The following N4BP1 variants were observed in gnomAD, a reference collection of about 807,000 sequenced individuals.
N4BP1 encodes the protein NEDD4 binding protein 1, also known as NEDD4-binding protein 1.
In N4BP1, 21 loss-of-function variants were observed where a neutral mutation model predicts 70.9. The ratio of observed to expected loss-of-function variants is 0.30; its 90% CI spans 0.21 to 0.43. The LOEUF is 0.43. N4BP1 is among the 20% of genes least tolerant of loss of function. N4BP1 has a pLI of 1.00. For missense variants in N4BP1, 936 were observed against 1,069.4 expected (o/e 0.88, Z 1.74); for synonymous variants, 387 against 394.6 (o/e 0.98, Z 0.23).
Position 48,582,592 on chromosome 16 carries a change from TTAGAG to T in N4BP1, c.199-20153_199-20149del, listed in dbSNP as rs540865320. ...CCACTTAATAAGAAACTAACTTTTA[TTAGAG>T]TATACTGTTATAATTTTTCTATTAT... On this transcript the variant is annotated intron_variant, in intron 1 of 6. Coordinates refer to ENST00000262384, the MANE Select transcript of N4BP1 (RefSeq NM_153029.4). Among the ~76,000 whole-genome samples, 539 of 152,362 alleles carry T rather than the reference TTAGAG, an allele frequency of 3.5e-3. 3 individuals carry two copies. Among genetic ancestry groups the T allele is most frequent in the African/African-American group, 0.013 (522 of 41,588 alleles).
At chr16:48,607,508 G>C (rs1374098724) in intron 1 of N4BP1, among the ~76,000 whole-genome samples, 1 of 152,200 alleles carries the variant, frequency 6.6e-6, no homozygotes, top group Non-Finnish European at 1.5e-5. Flanking sequence ...CAGGGCAGGA[G>C]AATGACTTTT....
chr16:48,608,518 A>C (rs998179928), intron 1 of N4BP1, among the ~76,000 whole-genome samples: 7 of 152,170 alleles, frequency 4.6e-5, no homozygotes, highest in Admixed American at 2.6e-4. Flanking sequence ...ATCATATGAG[A>C]GGCAAGTATC....
chr16:48,558,293 C>CAA lies in N4BP1; in HGVS notation c.1889+2459_1889+2460dup, dbSNP rs57285875. Reference sequence around the variant, plus strand: ...AATCCTCCCAAAACAATCAGTTTTCCAAAAAAAAAAAAAAAAGAAGAAATA... The same window carrying CAA: ...AATCCTCCCAAAACAATCAGTTTTCCAAAAAAAAAAAAAAAAAAGAAGAAATA... On this transcript the variant is annotated intron_variant, in intron 2 of 6. Transcript: ENST00000262384. Among the ~76,000 whole-genome samples, 802 of 98,228 alleles carry CAA rather than the reference C, an allele frequency of 8.2e-3. 9 individuals are homozygous for CAA. The highest frequency in any genetic ancestry group is 0.025 in the African/African-American group (738 of 29,758). The allele number at this position is 98,228 out of a possible 152,430, so 64.4% of individuals were successfully genotyped here.
chr16:48,580,267 C>A (rs1367062141), intron 1 of N4BP1, among the ~76,000 whole-genome samples: 1 of 151,954 alleles, frequency 6.6e-6, no homozygotes, highest in Non-Finnish European at 1.5e-5. Flanking sequence ...ACTGATACTG[C>A]AGATTTACAG....
chr16:48,562,484 G>T, intron 1 of N4BP1, 40 bp from the exon 2 acceptor site: 2 of 1,501,658 alleles, frequency 1.3e-6, no homozygotes, highest in African/African-American at 2.8e-5. Context: ...ATTTACAAAA[G>T]TTCCTTATAG....
At chr16:48,605,365 G>A (rs78001850) in intron 1 of N4BP1, among the ~76,000 whole-genome samples, 6,469 of 152,142 alleles carry the variant, frequency 0.043, 419 homozygotes, top group African/African-American at 0.15. Context: ...TCACCCCCAC[G>A]GCTGAGATCC....
intron 2 of N4BP1, among the ~76,000 whole-genome samples, chr16:48,558,036 G>A (rs527304643): frequency 6.6e-6 from 1 of 152,056 alleles, no homozygotes; most frequent in Non-Finnish European, 1.5e-5. Context: ...TACTACGTTC[G>A]CAATGCCGTG....
At chr16:48,589,395 C>T (rs560096056) in intron 1 of N4BP1, among the ~76,000 whole-genome samples, 1 of 152,198 alleles carries the variant, frequency 6.6e-6, no homozygotes, top group East Asian at 1.9e-4. Flanking sequence ...TTTAATCAAT[C>T]ACGCCTATGT....
rs1223501771 is a variant in N4BP1, at chr16:48,543,153, C to T, written c.2442G>A (p.Arg814=). The T allele has an allele frequency of 1.2e-6, 2 of 1,604,592 alleles. No individual in the cohort carries two copies. Among genetic ancestry groups the T allele is most frequent in the Non-Finnish European group, 1.7e-6 (2 of 1,172,616 alleles). ...AGTGGCTTGAAGGGGCTCCCTGAAT[C>T]CGGGTCGGAGGCTGGTGGCTGGTGC... is the stretch of plus-strand genomic sequence containing the variant. ...AASTSHQPPT[R]IQGAPSSHWL... is the part of the protein sequence containing the mutation. The change falls in exon 7 of 7, where the codon CGG becomes CGA. Residue 814 remains arginine (R), a synonymous_variant. Transcript: ENST00000262384.
rs116865652 is a variant in N4BP1, at chr16:48,571,735, A to G, written c.199-9291T>C. 6.8e-3 allele frequency among the ~76,000 whole-genome samples: 1,035 copies of G among 152,316 alleles called. 8 individuals carry two copies. Among genetic ancestry groups the G allele is most frequent in the Non-Finnish European group, 9.3e-3 (631 of 68,024 alleles). On this transcript the variant is annotated intron_variant, in intron 1 of 6. Coordinates refer to ENST00000262384, the MANE Select transcript of N4BP1 (RefSeq NM_153029.4). ...AATAAGAATCAATAGAAAAACTGAA[A>G]GACAAAGGGGAAGAAACCTTTCTAA...
At chr16:48,567,319 A>AT (rs1001435534) in intron 1 of N4BP1, among the ~76,000 whole-genome samples, 2 of 151,802 alleles carry the variant, frequency 1.3e-5, no homozygotes, top group African/African-American at 4.8e-5. Context: ...TACCTACTGC[A>AT]TTTTTTTCTT....
intron 3 of N4BP1, among the ~76,000 whole-genome samples, chr16:48,552,063 G>A (rs1187534067): frequency 6.6e-6 from 1 of 152,144 alleles, no homozygotes; most frequent in Non-Finnish European, 1.5e-5. Context: ...GACAAAGAGA[G>A]GGATGATAAG....
At chr16:48,579,004 CAATGCCAAGAGACATTTGA>C (rs1964138915) in intron 1 of N4BP1, among the ~76,000 whole-genome samples, 1 of 55,898 alleles carries the variant, frequency 1.8e-5, no homozygotes, top group Admixed American at 1.9e-4. Context: ...GGGCATTTGA[CAATGCCAAGAGACATTTGA>C]CAATGCCAAG....
intron 1 of N4BP1, among the ~76,000 whole-genome samples, chr16:48,572,969 G>A (rs1327804088): frequency 1.2e-4 from 18 of 151,602 alleles, no homozygotes; most frequent in South Asian, 2.1e-4. Flanking sequence ...AAAATTAGCC[G>A]AGCATGGTGG....
chr16:48,540,096 GT>G lies in N4BP1; in HGVS notation c.*2807del, dbSNP rs1197423020. ...ATAAGTGGAAACACTGGGGAGGAAG[GT>G]GATGAACAGACGGAGGTGAGCCAGA... On this transcript the variant is annotated 3_prime_UTR_variant, in exon 7 of 7. Coordinates refer to ENST00000262384, the MANE Select transcript of N4BP1 (RefSeq NM_153029.4). 6.6e-6 allele frequency: 1 copy of G among 152,454 alleles called. No individual in the cohort carries two copies. The highest frequency in any genetic ancestry group is 1.5e-5 in the Non-Finnish European group (1 of 68,154). The allele number at this position is 152,454 out of a possible 1,614,324, so 9.4% of individuals were successfully genotyped here. A position where few individuals can be genotyped will look rare whatever the true frequency, so the allele number is the denominator to read the frequency against.
chr16:48,572,688 G>A (rs993174432), intron 1 of N4BP1, among the ~76,000 whole-genome samples: 3 of 152,138 alleles, frequency 2.0e-5, no homozygotes, highest in South Asian at 2.1e-4. Flanking sequence ...CAGACAAGCC[G>A]AGGAACCAGT....
At chr16:48,577,968 G>T in intron 1 of N4BP1, 1 of 155,390 alleles carries the variant, frequency 6.4e-6, no homozygotes, top group South Asian at 1.7e-4. Context: ...CATCTCCTTG[G>T]AACACTTAAC....
intron 4 of N4BP1, among the ~76,000 whole-genome samples, 174 bp from the exon 5 acceptor site, chr16:48,548,288 T>A (rs1963617591): frequency 6.6e-6 from 1 of 152,266 alleles, no homozygotes; most frequent in African/African-American, 2.4e-5. Flanking sequence ...GAATGGTGAA[T>A]ATCTCTAAAA....
At chr16:48,543,359 G>A in intron 6 of N4BP1, 98 bp from the exon 7 acceptor site, 1 of 1,009,538 alleles carries the variant, frequency 9.9e-7, no homozygotes, top group Non-Finnish European at 1.4e-6. Flanking sequence ...TGAGGCTCAG[G>A]ATGCCGCTCC....
Sources: allele counts gnomAD v4.1 joint callset (sites outside exome capture counted in the v4.1 genomes callset), GRCh38; gene constraint gnomAD v4.1.1; transcripts MANE v1.5; gene names NCBI Gene and HGNC (gene_info 2026-07-23, HGNC 2026-07-21).